Variants in MBNL1 observed in about 807,000 individuals in gnomAD.
The protein encoded by MBNL1 is muscleblind-like protein 1.
A neutral mutation model predicts 42.2 loss-of-function variants in MBNL1; 8 were observed. The ratio of observed to expected loss-of-function variants is 0.19; its 90% CI spans 0.11 to 0.34. MBNL1 has a LOEUF of 0.34. MBNL1 is among the 10% of genes least tolerant of loss of function. The pLI is 1.00. For synonymous variants in MBNL1, 169 were observed against 173.9 expected (o/e 0.97, Z 0.22); for missense variants, 309 against 495.3 (o/e 0.62, Z 3.57).
intron 4 of MBNL1, among the ~76,000 whole-genome samples, chr3:152,441,680 T>C (rs895236997): frequency 2.0e-5 from 3 of 152,268 alleles, no homozygotes; most frequent in African/African-American, 4.8e-5. Context: ...ATATCTTCAT[T>C]GTCAAATCTT....
intron 3 of MBNL1, 87 bp from the exon 4 acceptor site, chr3:152,432,630 G>A: frequency 8.6e-7 from 1 of 1,166,942 alleles, no homozygotes; most frequent in Non-Finnish European, 1.3e-6. Flanking sequence ...AGAATGGATA[G>A]ATGGATGGAG....
chr3:152,374,552 A>G (rs1387038248), intron 2 of MBNL1, among the ~76,000 whole-genome samples: 1 of 152,206 alleles, frequency 6.6e-6, no homozygotes, highest in Non-Finnish European at 1.5e-5. Flanking sequence ...ATATGCCGTG[A>G]CCATTCAAAC....
chr3:152,388,122 G>A (rs2097529002), intron 2 of MBNL1, among the ~76,000 whole-genome samples: 2 of 152,120 alleles, frequency 1.3e-5, no homozygotes, highest in Admixed American at 6.6e-5. Context: ...TAACATTCAG[G>A]AACTGTCCCA....
chr3:152,400,386 T>A (rs1366701464), intron 2 of MBNL1, among the ~76,000 whole-genome samples: 2 of 152,212 alleles, frequency 1.3e-5, no homozygotes, highest in Non-Finnish European at 2.9e-5. Context: ...TATTGTCAGG[T>A]TAACATAGGA....
chr3:152,383,555 A>C (rs1040774628), intron 2 of MBNL1, among the ~76,000 whole-genome samples: 1 of 151,862 alleles, frequency 6.6e-6, no homozygotes, highest in African/African-American at 2.4e-5. Context: ...AGCTGGTGTA[A>C]AGGAGTCATT....
At chr3:152,415,925 G>T (rs1487410360) in intron 3 of MBNL1, among the ~76,000 whole-genome samples, 2 of 152,124 alleles carry the variant, frequency 1.3e-5, no homozygotes, top group Admixed American at 6.5e-5. Context: ...GTTGAAAAAG[G>T]TGCTTTGACG....
chr3:152,337,849 G>A (rs938053633), intron 2 of MBNL1, among the ~76,000 whole-genome samples: 1 of 151,932 alleles, frequency 6.6e-6, no homozygotes, highest in Non-Finnish European at 1.5e-5. Flanking sequence ...AATGTATATT[G>A]TACTTACTAA....
intron 8 of MBNL1, chr3:152,458,349 A>C (rs1298676626): frequency 3.2e-6 from 2 of 622,848 alleles, no homozygotes; most frequent in South Asian, 2.0e-5. Flanking sequence ...TTAGCCTAAG[A>C]TGTCTAAATT....
chr3:152,342,587 C>T (rs1487582200), intron 2 of MBNL1, among the ~76,000 whole-genome samples: 1 of 150,240 alleles, frequency 6.7e-6, no homozygotes, highest in African/African-American at 2.4e-5. Flanking sequence ...CACACACACA[C>T]TTTCCACAAA....
chr3:152,445,095 A>G (rs2099204075), intron 4 of MBNL1, among the ~76,000 whole-genome samples, 187 bp from the exon 5 acceptor site: 1 of 152,214 alleles, frequency 6.6e-6, no homozygotes, highest in African/African-American at 2.4e-5. Flanking sequence ...GGACATTTAT[A>G]CTGAAATGGA....
intron 2 of MBNL1, among the ~76,000 whole-genome samples, chr3:152,406,184 C>T (rs2098422222): frequency 6.6e-6 from 1 of 152,114 alleles, no homozygotes; most frequent in South Asian, 2.1e-4. Context: ...ACAATAGGTG[C>T]AGTTAAGCCC....
intron 2 of MBNL1, among the ~76,000 whole-genome samples, chr3:152,390,231 CTT>C (rs1044841080): frequency 2.0e-5 from 3 of 149,796 alleles, no homozygotes; most frequent in Non-Finnish European, 3.0e-5. Flanking sequence ...TGTACAAAAA[CTT>C]TTTTATATCT....
intron 2 of MBNL1, among the ~76,000 whole-genome samples, chr3:152,259,518 C>T (rs2035925630): frequency 6.6e-6 from 1 of 152,088 alleles, no homozygotes; most frequent in Non-Finnish European, 1.5e-5. Flanking sequence ...ATCCAAAAGC[C>T]GACATGCTGT....
chr3:152,374,223 CT>C (rs2096800687), intron 2 of MBNL1, among the ~76,000 whole-genome samples: 1 of 152,114 alleles, frequency 6.6e-6, no homozygotes, highest in Non-Finnish European at 1.5e-5. Flanking sequence ...AAATCATCTA[CT>C]TTTTAAAAGT....
intron 2 of MBNL1, among the ~76,000 whole-genome samples, chr3:152,325,890 T>C (rs2079638893): frequency 6.6e-6 from 1 of 151,892 alleles, no homozygotes; most frequent in Non-Finnish European, 1.5e-5. Context: ...AGAAACAATA[T>C]AACAACCCCC....
At chr3:152,274,534 G>A (rs1267613473) in intron 1 of MBNL1, among the ~76,000 whole-genome samples, 2 of 152,146 alleles carry the variant, frequency 1.3e-5, no homozygotes, top group African/African-American at 4.8e-5. Flanking sequence ...CCACATACAT[G>A]TAATAAAGGG....
intron 3 of MBNL1, among the ~76,000 whole-genome samples, chr3:152,428,127 TAAAG>T (rs140439120): frequency 0.015 from 2,313 of 152,202 alleles, 49 homozygotes; most frequent in African/African-American, 0.053. Context: ...AATTTTGAGG[TAAAG>T]AAAGAAACAA....
At chr3:152,322,840 CT>C (rs1444113892) in intron 2 of MBNL1, among the ~76,000 whole-genome samples, 2 of 152,064 alleles carry the variant, frequency 1.3e-5, no homozygotes, top group African/African-American at 4.8e-5. Flanking sequence ...CATGTATAGA[CT>C]CTTAACAAGG....
chr3:152,311,787 A>G (rs2066656113), intron 2 of MBNL1, among the ~76,000 whole-genome samples: 2 of 152,114 alleles, frequency 1.3e-5, no homozygotes, highest in Non-Finnish European at 2.9e-5. Flanking sequence ...TTTGTTCATG[A>G]TATGGCATAA....
Sources: allele counts gnomAD v4.1 joint callset (sites outside exome capture counted in the v4.1 genomes callset), GRCh38; gene constraint gnomAD v4.1.1; transcripts MANE v1.5; gene names NCBI Gene and HGNC (gene_info 2026-07-23, HGNC 2026-07-21).